The following TENM1 variants were observed in gnomAD, a reference collection of about 807,000 sequenced individuals.
The protein encoded by TENM1 is teneurin-1.
A neutral mutation model predicts 174.8 loss-of-function variants in TENM1; 35 were observed. That is an observed-to-expected ratio of 0.20 (90% confidence interval 0.15 to 0.27). The LOEUF is 0.27. TENM1 is among the 10% of genes least tolerant of loss of function. The pLI, the probability that TENM1 is intolerant of heterozygous loss-of-function variation, is 1.00. For synonymous variants in TENM1, 781 were observed against 798.7 expected (o/e 0.98, Z 0.37); for missense variants, 1,633 against 2,130.1 (o/e 0.77, Z 4.59).
chrX:124,509,587 G>A (rs1413887824), intron 18 of TENM1, among the ~76,000 whole-genome samples: 1 of 110,994 alleles, frequency 9.0e-6, no homozygotes, highest in Non-Finnish European at 1.9e-5. Flanking sequence ...GCAAACCTTC[G>A]CCAAGCTGCT....
chrX:124,901,012 G>A (rs1398490448), intron 1 of TENM1, among the ~76,000 whole-genome samples: 1 of 110,419 alleles, frequency 9.1e-6, no homozygotes, highest in African/African-American at 3.3e-5. Flanking sequence ...GGCTGGTCTC[G>A]AACTCCTGAC....
At chrX:124,456,619 A>T (rs1258756043) in intron 22 of TENM1, among the ~76,000 whole-genome samples, 1 of 111,883 alleles carries the variant, frequency 8.9e-6, no homozygotes. Context: ...GTTATAACCC[A>T]GGGATAGTGA....
At chrX:124,891,486 T>A (rs781547208) in intron 3 of TENM1, among the ~76,000 whole-genome samples, 1 of 109,817 alleles carries the variant, frequency 9.1e-6, no homozygotes, top group African/African-American at 3.3e-5. Context: ...TGGTGAAACC[T>A]TGTCTAAACT....
At chrX:125,183,902 T>C in the TENM1 span, among the ~76,000 whole-genome samples, 1 of 111,884 alleles carries the variant, frequency 8.9e-6, no homozygotes, top group Non-Finnish European at 1.9e-5. Context: ...CAGCCCTGAA[T>C]TTTCTAAAAA....
Position 124,871,275 on chromosome X carries a change from A to G in TENM1, c.535+23021T>C, listed in dbSNP as rs776891980. Among the ~76,000 whole-genome samples, 7 of 112,305 alleles carry G rather than the reference A, an allele frequency of 6.2e-5. No homozygotes were observed. In the East Asian group the frequency reaches 2.0e-3, roughly 32 times the overall value. ...ATATTTTAAAAAGATCACTCTGAGA[A>G]GCATAGAGACCTGTTACAAGGCTGT... is the stretch of plus-strand genomic sequence containing the variant. On this transcript the variant is annotated intron_variant, in intron 3 of 31. Coordinates refer to ENST00000422452, the Ensembl canonical transcript of TENM1.
At chrX:124,774,891 C>T (rs750200306) in intron 3 of TENM1, among the ~76,000 whole-genome samples, 50 of 110,943 alleles carry the variant, frequency 4.5e-4, no homozygotes, top group African/African-American at 1.5e-3. Context: ...ACAGGTCAGA[C>T]CCTGCATCAT....
At chrX:124,814,341 T>C (rs945178056) in intron 3 of TENM1, among the ~76,000 whole-genome samples, 19 of 111,847 alleles carry the variant, frequency 1.7e-4, no homozygotes, top group African/African-American at 5.5e-4. Context: ...ATCACCATTA[T>C]TATTGCTATT....
At chrX:124,786,049 A>AT (rs1383896798) in intron 3 of TENM1, among the ~76,000 whole-genome samples, 2 of 111,334 alleles carry the variant, frequency 1.8e-5, no homozygotes, top group Non-Finnish European at 3.8e-5. Context: ...CATATATACA[A>AT]TTTTTTGGAG....
the TENM1 span, among the ~76,000 whole-genome samples, chrX:125,104,312 A>G: frequency 2.7e-5 from 3 of 112,121 alleles, no homozygotes; most frequent in African/African-American, 9.7e-5. Flanking sequence ...TTCCAAGCAC[A>G]TTGTAGGAGG....
At chrX:124,898,607 G>A (rs947865173) in intron 1 of TENM1, among the ~76,000 whole-genome samples, 2 of 109,943 alleles carry the variant, frequency 1.8e-5, no homozygotes, top group African/African-American at 6.6e-5. Flanking sequence ...CGTTGGAAAA[G>A]GTTGAGCAAA....
intron 6 of TENM1, among the ~76,000 whole-genome samples, chrX:124,667,762 C>A (rs899018409): frequency 2.7e-5 from 3 of 110,275 alleles, no homozygotes; most frequent in Non-Finnish European, 3.8e-5. Context: ...CTAGAGTGTT[C>A]GTAAATTTTT....
intron 18 of TENM1, 123 bp from the exon 22 acceptor site, chrX:124,503,826 C>T: frequency 1.5e-6 from 1 of 680,071 alleles, no homozygotes; most frequent in Non-Finnish European, 2.2e-6. Flanking sequence ...TGAAATTTGA[C>T]TGCAAATTTC....
At chrX:125,097,851 A>G in the TENM1 span, among the ~76,000 whole-genome samples, 1 of 112,614 alleles carries the variant, frequency 8.9e-6, no homozygotes, top group Non-Finnish European at 1.9e-5. Flanking sequence ...CATTGTTACT[A>G]CTATAGTTGT....
chrX:124,748,233 T>A (rs1288211947), intron 3 of TENM1, among the ~76,000 whole-genome samples: 1 of 111,491 alleles, frequency 9.0e-6, no homozygotes, highest in Middle Eastern at 4.2e-3. Context: ...CTCTTTTCCA[T>A]ACTTACAGTA....
intron 3 of TENM1, among the ~76,000 whole-genome samples, chrX:124,746,062 G>A (rs1364523357): frequency 2.7e-5 from 3 of 111,788 alleles, no homozygotes; most frequent in East Asian, 2.8e-4. Context: ...CAGGATGTGA[G>A]TCTGAATCAT....
intron 5 of TENM1, among the ~76,000 whole-genome samples, chrX:124,701,511 C>CA (rs2052774944): frequency 8.9e-6 from 1 of 112,049 alleles, no homozygotes; most frequent in African/African-American, 3.2e-5. Context: ...ACTACTACTT[C>CA]ATATGGCTTA....
chrX:125,058,892 C>T, the TENM1 span, among the ~76,000 whole-genome samples: 4 of 110,182 alleles, frequency 3.6e-5, no homozygotes, highest in African/African-American at 1.3e-4. Context: ...AATTCACATG[C>T]CATCCATTTA....
chrX:124,524,122 C>T (rs958703576), intron 16 of TENM1, among the ~76,000 whole-genome samples: 2 of 110,749 alleles, frequency 1.8e-5, no homozygotes, highest in African/African-American at 6.6e-5. Flanking sequence ...ATGATTCACC[C>T]GCCTTGGCCT....
chrX:124,894,486 T>C (rs1569476354), intron 2 of TENM1, 134 bp from the exon 6 acceptor site: 1 of 448,248 alleles, frequency 2.2e-6, no homozygotes, highest in East Asian at 4.0e-5. Context: ...ACATATGTAA[T>C]ATTCATCCTT....
Sources: allele counts gnomAD v4.1 joint callset (sites outside exome capture counted in the v4.1 genomes callset), GRCh38; gene constraint gnomAD v4.1.1; transcripts MANE v1.5; gene names NCBI Gene and HGNC (gene_info 2026-07-23, HGNC 2026-07-21).